The following ALK variants were observed in gnomAD, a reference collection of about 807,000 sequenced individuals.
The protein encoded by ALK is ALK receptor tyrosine kinase.
A neutral mutation model predicts 163.1 loss-of-function variants in ALK; 74 were observed. That is an observed-to-expected ratio of 0.45 (90% confidence interval 0.38 to 0.55). The LOEUF (loss-of-function observed/expected upper bound fraction) is 0.55, where lower values mean the gene tolerates loss of function less well. Among genes scored for constraint, ALK ranks in the 20% least tolerant of loss-of-function variants. The pLI, the probability that ALK is intolerant of heterozygous loss-of-function variation, is 0.00. For missense variants in ALK, 2,063 were observed against 2,105.3 expected (o/e 0.98, Z 0.39); for synonymous variants, 960 against 843.2 (o/e 1.14, Z -2.40).
chr2:29,637,965 G>A (rs955530101), intron 3 of ALK, among the ~76,000 whole-genome samples: 1 of 151,912 alleles, frequency 6.6e-6, no homozygotes, highest in African/African-American at 2.4e-5. Flanking sequence ...ACCCGATACA[G>A]AATTTTGAAA....
intron 1 of ALK, among the ~76,000 whole-genome samples, chr2:29,868,629 A>G (rs1666502593): frequency 6.6e-6 from 1 of 152,162 alleles, no homozygotes; most frequent in African/African-American, 2.4e-5. Context: ...ATCAAGCAGG[A>G]CAAATAGTCT....
chr2:29,445,287 C>T (rs62131775), intron 4 of ALK, among the ~76,000 whole-genome samples: 41,583 of 152,108 alleles, frequency 0.27, 7,045 homozygotes, highest in Non-Finnish European at 0.38. Context: ...TGGAGATGCA[C>T]GGAGAAGAAA....
At chr2:29,400,604 T>A (rs1239102072) in intron 4 of ALK, among the ~76,000 whole-genome samples, 1 of 152,198 alleles carries the variant, frequency 6.6e-6, no homozygotes, top group African/African-American at 2.4e-5. Flanking sequence ...ATTTTCTTTG[T>A]TGCCCTTGCC....
chr2:29,217,420 T>C (rs574001102), intron 23 of ALK, among the ~76,000 whole-genome samples: 2 of 151,778 alleles, frequency 1.3e-5, no homozygotes, highest in Non-Finnish European at 2.9e-5. Context: ...CTGTGGACAT[T>C]GGCAAACCCG....
chr2:29,761,644 C>T (rs1680703307), intron 1 of ALK, among the ~76,000 whole-genome samples: 1 of 152,238 alleles, frequency 6.6e-6, no homozygotes, highest in Non-Finnish European at 1.5e-5. Flanking sequence ...CTGCTGGGAA[C>T]TCACTGGGGA....
chr2:29,291,641 A>C (rs1377611058), intron 9 of ALK, among the ~76,000 whole-genome samples: 1 of 152,266 alleles, frequency 6.6e-6, no homozygotes, highest in Non-Finnish European at 1.5e-5. Flanking sequence ...GTAAGCACTC[A>C]ACAAACGCTA....
intron 11 of ALK, 60 bp from the exon 12 acceptor site, chr2:29,251,327 C>A: frequency 6.5e-7 from 1 of 1,546,202 alleles, no homozygotes; most frequent in Non-Finnish European, 8.8e-7. Context: ...CTCCAGGGGC[C>A]TCCCTGGGTG....
At chr2:29,892,652 C>A (rs1015388824) in intron 1 of ALK, among the ~76,000 whole-genome samples, 16 of 152,174 alleles carry the variant, frequency 1.1e-4, no homozygotes, top group African/African-American at 3.9e-4. Flanking sequence ...AGGGATTGGT[C>A]ACATGATTCG....
intron 4 of ALK, among the ~76,000 whole-genome samples, chr2:29,403,890 C>A (rs923366194): frequency 6.6e-6 from 1 of 151,940 alleles, no homozygotes; most frequent in African/African-American, 2.4e-5. Context: ...CCAACTTGAG[C>A]AACAGAGAGA....
At chr2:29,717,072 T>G (rs1573579457) in intron 2 of ALK, among the ~76,000 whole-genome samples, 1 of 142,396 alleles carries the variant, frequency 7.0e-6, no homozygotes, top group African/African-American at 2.6e-5. Context: ...CTCGGGAGGC[T>G]GAGGCAGGAG....
intron 28 of ALK, 25 bp from the exon 29 acceptor site, chr2:29,193,947 C>G (rs1246084218): frequency 6.2e-7 from 1 of 1,610,742 alleles, no homozygotes; most frequent in African/African-American, 1.3e-5. Context: ...ATTATTAAAA[C>G]TTTGAATCAG....
rs1395793746 is a variant in ALK at position 29,296,874 on chromosome 2, T to C, written c.1817+14A>G. On this transcript the variant is annotated intron_variant, in intron 9 of 28. Transcript: ENST00000389048. The stretch of plus-strand genomic sequence containing the variant: ...TAGAGGAGAAGGGTATTGGGGGAGA[T>C]GCATAGAGCCTACCTGTCAGACACA... 2 of 1,613,926 alleles carry C rather than the reference T, an allele frequency of 1.2e-6. No homozygotes were observed. Among genetic ancestry groups the C allele is most frequent in the African/African-American group, 1.3e-5 (1 of 74,916 alleles).
chr2:29,720,547 C>A (rs967000692), intron 1 of ALK, among the ~76,000 whole-genome samples: 1 of 152,106 alleles, frequency 6.6e-6, no homozygotes, highest in African/African-American at 2.4e-5. Context: ...AAAGGCTGAG[C>A]CTCCCCACCT....
intron 9 of ALK, among the ~76,000 whole-genome samples, chr2:29,292,648 A>G (rs1573199707): frequency 6.6e-6 from 1 of 152,360 alleles, no homozygotes; most frequent in East Asian, 1.9e-4. Context: ...AATTACCTTG[A>G]GAGCATTTAT....
chr2:29,577,641 TC>T (rs5830125), intron 3 of ALK, among the ~76,000 whole-genome samples: 27,374 of 152,052 alleles, frequency 0.18, 2,794 homozygotes, highest in East Asian at 0.27. Flanking sequence ...CATGGGACCA[TC>T]CTTCTAGCAA....
chr2:29,229,153 T>C, intron 15 of ALK, 87 bp from the exon 16 acceptor site: 1 of 1,298,180 alleles, frequency 7.7e-7, no homozygotes. Context: ...GCAGGACGCC[T>C]TGGAGGGCGC....
intron 3 of ALK, among the ~76,000 whole-genome samples, chr2:29,606,385 A>G (rs1217314209): frequency 2.6e-5 from 4 of 152,250 alleles, no homozygotes; most frequent in Admixed American, 2.6e-4. Context: ...GGGCCCCAGA[A>G]AAGAAATGGG....
chr2:29,536,421 C>A (rs1254438433), intron 3 of ALK, among the ~76,000 whole-genome samples: 1 of 152,166 alleles, frequency 6.6e-6, no homozygotes, highest in East Asian at 1.9e-4. Flanking sequence ...TGCCTTCTGC[C>A]ATGATTGCAA....
chr2:29,425,480 G>A (rs1414163875), intron 4 of ALK, among the ~76,000 whole-genome samples: 1 of 152,182 alleles, frequency 6.6e-6, no homozygotes, highest in East Asian at 1.9e-4. Flanking sequence ...CTCATAGAGT[G>A]GAGTCTCTAC....
Sources: allele counts gnomAD v4.1 joint callset (sites outside exome capture counted in the v4.1 genomes callset), GRCh38; gene constraint gnomAD v4.1.1; transcripts MANE v1.5; gene names NCBI Gene and HGNC (gene_info 2026-07-23, HGNC 2026-07-21).